AHSG: variants seen among roughly 807,000 people sequenced by gnomAD.
AHSG encodes alpha-2-HS-glycoprotein.
A neutral mutation model predicts 30.1 loss-of-function variants in AHSG; 23 were observed. The ratio of observed to expected loss-of-function variants is 0.76; its 90% CI spans 0.55 to 1.08. AHSG has a LOEUF of 1.08. AHSG is among the 50% of genes least tolerant of loss of function. The probability of loss-of-function intolerance (pLI) is 0.00; values close to 1 mark genes in which losing one functional copy is unlikely to be tolerated. For synonymous variants in AHSG, 164 were observed against 186.3 expected, an observed-to-expected ratio of 0.88 and a Z score of 0.98; for missense variants, 469 against 459.5, an observed-to-expected ratio of 1.02 and a Z score of -0.19.
rs74764518 is a variant in AHSG, at chr3:186,613,627, G to A, written c.213+273G>A. ...GTAGTGTGCAGATCACAGACAGAAA[G>A]TGTAACTTGCTGGAAAAACTAGGAC... On this transcript the variant is annotated intron_variant, in intron 1 of 6. Transcript: ENST00000411641. 2.0e-3 allele frequency among the ~76,000 whole-genome samples: 300 copies of A among 152,274 alleles called. 1 individual carries two copies. The highest frequency in any genetic ancestry group is 6.6e-3 in the East Asian group (34 of 5,176).
chr3:186,618,761 T>A, intron 5 of AHSG, 124 bp downstream of exon 5: 1 of 1,451,314 alleles, frequency 6.9e-7, no homozygotes, highest in East Asian at 2.6e-5. Context: ...CCCCTCTCCC[T>A]GTGGATCACG....
intron 5 of AHSG, among the ~76,000 whole-genome samples, chr3:186,619,496 A>T (rs1305286215): frequency 4.6e-5 from 7 of 152,206 alleles, no homozygotes; most frequent in African/African-American, 1.7e-4. Context: ...GGAATAATGA[A>T]TGATATGAGA....
chr3:186,619,771 A>G, intron 5 of AHSG, 86 bp from the exon 6 acceptor site: 2 of 1,085,760 alleles, frequency 1.8e-6, no homozygotes, highest in South Asian at 3.1e-5. Flanking sequence ...GGTTTTTCAA[A>G]CTAATTTAAG....
chr3:186,615,777 G>A lies in AHSG; in HGVS notation c.306G>A (p.Val102=). 1 of 1,614,248 alleles carries A rather than the reference G, an allele frequency of 6.2e-7. No homozygotes were observed. The highest frequency in any genetic ancestry group is 8.5e-7 in the Non-Finnish European group (1 of 1,180,038). Residue 102 remains valine (V), a synonymous_variant, in exon 2 of 7, where the codon GTG becomes GTA. Coordinates refer to ENST00000411641, the MANE Select transcript of AHSG (RefSeq NM_001622.4). The part of the protein sequence containing the change: ...LDPTPVARCS[V]RQLKEHAVEG... Reference sequence around the variant, plus strand: ...CCACCCCTGTGGCAAGATGCAGCGTGAGGCAGCTGAAGGAGCATGTGAGTA... The same window carrying A: ...CCACCCCTGTGGCAAGATGCAGCGTAAGGCAGCTGAAGGAGCATGTGAGTA...
In AHSG at chr3:186,615,722, C is replaced by G; in HGVS notation, c.251C>G (p.Thr84Ser). 1 of 1,614,254 alleles carries G rather than the reference C, an allele frequency of 6.2e-7. No individual in the cohort carries two copies. Among genetic ancestry groups the G allele is most frequent in the Non-Finnish European group, 8.5e-7 (1 of 1,180,044 alleles). ...SGELFEIEID[T>S]LETTCHVLDP... ...GAGCTGTTTGAGATTGAAATAGACACCCTGGAAACCACCTGCCATGTGCTG... is the reference window on the plus strand; with the variant it reads ...GAGCTGTTTGAGATTGAAATAGACAGCCTGGAAACCACCTGCCATGTGCTG... The change falls in exon 2 of 7, where the codon ACC becomes AGC. Residue 84 changes from threonine (T) to serine (S), a missense_variant. Coordinates refer to ENST00000411641, the MANE Select transcript of AHSG (RefSeq NM_001622.4).
intron 4 of AHSG, chr3:186,617,614 C>G (rs1716350828): frequency 1.7e-6 from 1 of 577,012 alleles, no homozygotes; most frequent in African/African-American, 1.9e-5. Flanking sequence ...GGTACATCCC[C>G]ACTCCCTCCG....
chr3:186,619,691 TTCTG>T (rs1237840354), intron 5 of AHSG, among the ~76,000 whole-genome samples, 162 bp from the exon 6 acceptor site: 2 of 152,120 alleles, frequency 1.3e-5, no homozygotes, highest in Non-Finnish European at 2.9e-5. Context: ...CTCAAAGTAT[TTCTG>T]TATTTCCATG....
At chr3:186,618,697 C>T (rs1716386951) in intron 5 of AHSG, 60 bp downstream of exon 5, 10 of 1,590,644 alleles carry the variant, frequency 6.3e-6, no homozygotes, top group African/African-American at 1.3e-5. Flanking sequence ...TGGAACAGAA[C>T]ATCCTTGGAT....
intron 6 of AHSG, among the ~76,000 whole-genome samples, 188 bp from the exon 7 acceptor site, chr3:186,620,398 G>A (rs1304364114): frequency 6.6e-6 from 1 of 152,138 alleles, no homozygotes; most frequent in Non-Finnish European, 1.5e-5. Context: ...GGCCAACATA[G>A]GCCAGTCACC....
intron 1 of AHSG, among the ~76,000 whole-genome samples, chr3:186,615,434 A>T (rs1367226838): frequency 6.6e-6 from 1 of 152,136 alleles, no homozygotes; most frequent in Admixed American, 6.5e-5. Flanking sequence ...CAAGCCCAGG[A>T]CCCCGTCTGC....
rs1248825216 is a variant in AHSG at position 186,613,132 on chromosome 3, T to C, written c.-10T>C. On this transcript the variant is annotated 5_prime_UTR_variant, in exon 1 of 7. Transcript: ENST00000411641. Reference sequence around the variant, plus strand: ...ACCTGCACGCCTGCCAGGGCCTCTCTGGGGCAGCCATGAAGTCCCTCGTCC... The same window carrying C: ...ACCTGCACGCCTGCCAGGGCCTCTCCGGGGCAGCCATGAAGTCCCTCGTCC... 1 of 1,613,882 alleles carries C rather than the reference T, an allele frequency of 6.2e-7. No homozygotes were observed. The highest frequency in any genetic ancestry group is 1.3e-5 in the African/African-American group (1 of 75,032).
chr3:186,616,353 A>G, intron 2 of AHSG, 90 bp from the exon 3 acceptor site: 1 of 938,954 alleles, frequency 1.1e-6, no homozygotes, highest in Non-Finnish European at 1.6e-6. Context: ...CGATTTTGCA[A>G]GGGTCACCTT....
intron 5 of AHSG, among the ~76,000 whole-genome samples, chr3:186,618,939 C>T (rs570171373): frequency 2.4e-4 from 37 of 152,322 alleles, no homozygotes; most frequent in Middle Eastern, 6.8e-3. Flanking sequence ...AGACATATAA[C>T]TCTGATACAA....
chr3:186,613,234 C>G lies in AHSG; in HGVS notation c.93C>G (p.Asn31Lys), dbSNP rs780932666. The G allele has an allele frequency of 2.0e-5, 32 of 1,614,184 alleles. 2 individuals are homozygous for G. The South Asian group carries it at 3.2e-4, about 16-fold the overall frequency. Residue 31 changes from asparagine to lysine, a missense_variant, in exon 1 of 7, where the codon AAC becomes AAG. Physicochemically the swap from Asn to Lys is moderately conservative, Grantham distance 94. Transcript: ENST00000411641. ...CAGGGCTGATTTATAGACAACCGAA[C>G]TGCGATGATCCAGAAACTGAGGAAG... ...HGPGLIYRQPNCDDPETEEAA... is the reference protein window; with the variant it reads ...HGPGLIYRQPKCDDPETEEAA...
rs775589108 is a variant in AHSG, at chr3:186,617,365, T to G, written c.573+15T>G. On this transcript the variant is annotated intron_variant, in intron 4 of 6. Transcript: ENST00000411641. ...CTCAGCTTGTGGTAAAGACTGAGAT[T>G]CTTTTGACAGGTTGGGCAGTTCGGT... is the stretch of plus-strand genomic sequence containing the variant. The G allele has an allele frequency of 2.5e-6, 4 of 1,614,192 alleles. No homozygotes were observed. The highest frequency in any genetic ancestry group is 3.4e-6 in the Non-Finnish European group (4 of 1,180,028).
rs774097503 is a variant in AHSG at position 186,620,769 on chromosome 3, G to A, written c.943G>A (p.Asp315Asn). The change falls in exon 7 of 7, where the codon GAC becomes AAC. Residue 315 changes from aspartate to asparagine, a missense_variant. Coordinates refer to ENST00000411641, the MANE Select transcript of AHSG (RefSeq NM_001622.4). ...PGHQLHRAHYDLRHTFMGVVS... is the reference protein window; with the variant it reads ...PGHQLHRAHYNLRHTFMGVVS... ...ACACCAGTTGCACCGGGCGCACTAC[G>A]ACCTGCGCCACACCTTCATGGGTGT... is the stretch of plus-strand genomic sequence containing the variant. The A allele has an allele frequency of 7.4e-6, 12 of 1,614,076 alleles. No homozygotes were observed. The highest frequency in any genetic ancestry group is 6.7e-5 in the African/African-American group (5 of 74,920).
Position 186,613,478 on chromosome 3 carries a change from C to A in AHSG, c.213+124C>A, listed in dbSNP as rs1044441407. 3 of 961,990 alleles carry A rather than the reference C, an allele frequency of 3.1e-6. No individual in the cohort carries two copies. The African/African-American group carries it at 5.0e-5, about 16-fold the overall frequency. The allele number at this position is 961,990 out of a possible 1,614,324, so 59.6% of individuals were successfully genotyped here. On this transcript the variant is annotated intron_variant, in intron 1 of 6. Coordinates refer to ENST00000411641, the MANE Select transcript of AHSG (RefSeq NM_001622.4). The stretch of plus-strand genomic sequence containing the variant: ...GAGGAGTAAATTCTCTGATTTCTTC[C>A]CAGGAGTGAGGGAAGGGGCAGGCAG...
chr3:186,617,120 C>T (rs1393389378), intron 3 of AHSG, 67 bp from the exon 4 acceptor site: 13 of 1,551,876 alleles, frequency 8.4e-6, no homozygotes, highest in Admixed American at 1.9e-5. Flanking sequence ...CCCTTGCTAA[C>T]GCAGCAGAGC....
chr3:186,618,537 C>A lies in AHSG; in HGVS notation c.575C>A (p.Pro192His). Residue 192 changes from proline to histidine, a missense_variant and splice_region_variant, in exon 5 of 7, where the codon CCC becomes CAC. Transcript: ENST00000411641. ...LEEISRAQLV[P>H]LPPSTYVEFT... Reference sequence around the variant, plus strand: ...AGCATTTTCATGTACTCTTCTCAGCCCCTCCCACCTTCTACCTATGTGGAG... The same window carrying A: ...AGCATTTTCATGTACTCTTCTCAGCACCTCCCACCTTCTACCTATGTGGAG... 6.2e-7 allele frequency: 1 copy of A among 1,613,372 alleles called. No homozygotes were observed. Among genetic ancestry groups the A allele is most frequent in the Non-Finnish European group, 8.5e-7 (1 of 1,179,414 alleles).
Sources: gnomAD v4.1 joint callset for allele counts (sites outside exome capture counted in the v4.1 genomes callset) on GRCh38, gnomAD v4.1.1 for gene constraint, MANE v1.5 for transcripts, NCBI Gene and HGNC (gene_info 2026-07-23, HGNC 2026-07-21) for gene names.